Variants in LILRA2 observed in about 807,000 individuals in gnomAD.
LILRA2 encodes leukocyte immunoglobulin like receptor A2.
LILRA2 carries 45 observed loss-of-function variants against 47.9 expected under a neutral mutation model. The ratio of observed to expected loss-of-function variants is 0.94; its 90% CI spans 0.74 to 1.20. The LOEUF is 1.20. Ranked by LOEUF, LILRA2 falls within the 50% of genes most tolerant of loss-of-function variation. The pLI, the probability that LILRA2 is intolerant of heterozygous loss-of-function variation, is 0.00. For missense variants in LILRA2, 651 were observed against 598.2 expected (o/e 1.09, Z -0.92); for synonymous variants, 279 against 249.2 (o/e 1.12, Z -1.13).
chr19:54,577,027 C>G (rs1245052956), intron 6 of LILRA2, among the ~76,000 whole-genome samples: 1 of 152,270 alleles, frequency 6.6e-6, no homozygotes, highest in Non-Finnish European at 1.5e-5. Flanking sequence ...TGGCCCTCTC[C>G]TAATTCTCCC....
chr19:54,575,886 T>A lies in LILRA2; in HGVS notation c.1032T>A (p.Cys344Ter), dbSNP rs1036428476. 1 of 1,613,610 alleles carries A rather than the reference T, an allele frequency of 6.2e-7. No homozygotes were observed. The highest frequency in any genetic ancestry group is 1.3e-5 in the African/African-American group (1 of 74,858). ...VAPGKNVTLL[C>*]QSRGQFHTFL... ...CAGGAAAGAACGTGACCCTGCTGTG[T>A]CAGTCACGGGGGCAGTTCCACACTT... The change falls in exon 6 of 8, where the codon TGT becomes TGA. Residue 344 changes from cysteine (C) to a stop codon, truncating the protein, a stop_gained. Transcript: ENST00000391738. LOFTEE classifies it high-confidence loss of function.
In LILRA2 at chr19:54,575,252, C is replaced by G. The variant is rs779608134; in HGVS notation, c.656-4C>G. 4 of 1,606,024 alleles carry G rather than the reference C, an allele frequency of 2.5e-6. No homozygotes were observed. In the Admixed American group the frequency reaches 6.7e-5, roughly 27 times the overall value. ...TCCTGGAAACCATGAACACCTTTTC[C>G]CAGGTGTTTCTAAGAAGCCATCACT... On this transcript the variant is annotated splice_polypyrimidine_tract_variant and splice_region_variant and intron_variant, in intron 4 of 7. Transcript: ENST00000391738.
chr19:54,581,580 G>C (rs1171281907), intron 6 of LILRA2, among the ~76,000 whole-genome samples: 1 of 150,422 alleles, frequency 6.6e-6, no homozygotes, highest in Non-Finnish European at 1.5e-5. Context: ...TTTGGTACCA[G>C]TACCATGCTG....
chr19:54,576,647 A>G (rs1312217654), intron 6 of LILRA2, among the ~76,000 whole-genome samples: 1 of 152,236 alleles, frequency 6.6e-6, no homozygotes, highest in Non-Finnish European at 1.5e-5. Flanking sequence ...TGGTGTTCAG[A>G]GGGGAGGGAG....
rs1214709114 is a variant in LILRA2, at chr19:54,587,391, G to A, written c.*45G>A. 6.2e-7 allele frequency: 1 copy of A among 1,612,834 alleles called. No homozygotes were observed. Among genetic ancestry groups the A allele is most frequent in the Non-Finnish European group, 8.5e-7 (1 of 1,179,250 alleles). ...ATCCTTCAGCGTGGTGGAGCCTCAG[G>A]GACAGATCTGATGATCCCAGGAGGC... On this transcript the variant is annotated 3_prime_UTR_variant, in exon 8 of 8. Transcript: ENST00000391738.
Position 54,575,558 on chromosome 19 carries a change from G to C in LILRA2, c.952+6G>C. On this transcript the variant is annotated splice_donor_region_variant and intron_variant, in intron 5 of 7. Coordinates refer to ENST00000391738, the MANE Select transcript of LILRA2 (RefSeq NM_001130917.3). ...CCTGGACATCCTGATCACAGGTGAGGAGCCCAGCGGGTTCAGTCAGGGACC... is the reference window on the plus strand; with the variant it reads ...CCTGGACATCCTGATCACAGGTGAGCAGCCCAGCGGGTTCAGTCAGGGACC... The C allele has an allele frequency of 6.2e-7, 1 of 1,611,690 alleles. No individual in the cohort carries two copies. Among genetic ancestry groups the C allele is most frequent in the Non-Finnish European group, 8.5e-7 (1 of 1,179,668 alleles).
rs2062235311 is a variant in LILRA2 at position 54,573,866 on chromosome 19, G to A, written c.-13G>A. On this transcript the variant is annotated 5_prime_UTR_variant, in exon 1 of 8. Transcript: ENST00000391738. ...TCATCCATCCGCAGAGCAGGGCAGT[G>A]GGAGGAGACGCCATGACCCCCATCC... The A allele has an allele frequency of 6.2e-7, 1 of 1,614,048 alleles. No individual in the cohort carries two copies. Among genetic ancestry groups the A allele is most frequent in the East Asian group, 2.2e-5 (1 of 44,882 alleles).
chr19:54,587,648 C>T lies in LILRA2; in HGVS notation c.*302C>T, dbSNP rs73939010. The T allele has an allele frequency of 2.8e-3, 1,317 of 477,684 alleles. 19 individuals carry two copies. The highest frequency in any genetic ancestry group is 0.023 in the African/African-American group (1,197 of 51,734). 29.6% of individuals were successfully genotyped at this position (477,684 alleles called of 1,614,324 possible). On this transcript the variant is annotated 3_prime_UTR_variant, in exon 8 of 8. Transcript: ENST00000391738. ...CATGGCACCGTTGGGTCCACACCTC[C>T]ACACACCTGTGTGCTCTGGTCCACG...
intron 6 of LILRA2, among the ~76,000 whole-genome samples, chr19:54,578,120 TA>T (rs2062530721): frequency 2.1e-4 from 29 of 140,552 alleles, no homozygotes; most frequent in East Asian, 9.7e-4. Flanking sequence ...TTGATTTCTT[TA>T]TATATATATA....
Position 54,588,214 on chromosome 19 carries a change from A to G in LILRA2, c.*868A>G, listed in dbSNP as rs2062865341. The G allele has an allele frequency of 3.9e-5, 6 of 152,212 alleles. No individual in the cohort carries two copies. Among genetic ancestry groups the G allele is most frequent in the Admixed American group, 3.9e-4 (6 of 15,282 alleles). The allele number at this position is 152,212 out of a possible 1,614,324, so 9.4% of individuals were successfully genotyped here. On this transcript the variant is annotated 3_prime_UTR_variant, in exon 8 of 8. Transcript: ENST00000391738. Reference sequence around the variant, plus strand: ...ATCACTTCTACTTCAGTGTTATGGCACAGGTCAAATGAAATTCTGACACTG... The same window carrying G: ...ATCACTTCTACTTCAGTGTTATGGCGCAGGTCAAATGAAATTCTGACACTG...
intron 6 of LILRA2, 37 bp from the exon 7 acceptor site, chr19:54,586,973 T>TC: frequency 2.6e-6 from 4 of 1,550,642 alleles, no homozygotes; most frequent in Non-Finnish European, 2.7e-6. Context: ...GGAGTGAGGC[T>TC]GGGCTCAGGG....
intron 6 of LILRA2, among the ~76,000 whole-genome samples, chr19:54,576,577 G>T (rs2145977481): frequency 6.8e-6 from 1 of 148,118 alleles, no homozygotes; most frequent in East Asian, 1.9e-4. Context: ...AGGGTGGACA[G>T]TAAGGGTGTG....
intron 6 of LILRA2, among the ~76,000 whole-genome samples, chr19:54,579,896 C>T (rs576087363): frequency 2.0e-5 from 3 of 152,200 alleles, no homozygotes; most frequent in African/African-American, 7.2e-5. Context: ...TCACTCATGA[C>T]TTGGCTCTCT....
chr19:54,574,487 C>A lies in LILRA2; in HGVS notation c.257C>A (p.Ser86Tyr). The A allele has an allele frequency of 8.1e-6, 13 of 1,614,152 alleles. No homozygotes were observed. Among genetic ancestry groups the A allele is most frequent in the Non-Finnish European group, 1.1e-5 (13 of 1,179,988 alleles). Residue 86 changes from serine (S) to tyrosine (Y), a missense_variant, in exon 3 of 8, where the codon TCC (serine) becomes TAC (tyrosine). Transcript: ENST00000391738. ...AAGAATGGCCAGTTCCCCATCCCAT[C>A]CATCACCTGGGAACACGCAGGGCGG... is the stretch of plus-strand genomic sequence containing the variant. ...PGKNGQFPIP[S>Y]ITWEHAGRYH...
chr19:54,573,554 A>C (rs1308723868), upstream of LILRA2: 1 of 775,200 alleles, frequency 1.3e-6, no homozygotes, highest in Non-Finnish European at 2.2e-6. Flanking sequence ...GGGCAGACGC[A>C]GGAGGGCACC....
chr19:54,576,048 A>T lies in LILRA2; in HGVS notation c.1194A>T (p.Ser398=). ...AHVGTYRCYS[S]LSSNPYLLSL... is the part of the protein sequence containing the mutation. ...TGGGGACCTACAGATGCTACAGCTCACTCAGCTCCAACCCCTACCTGCTGT... is the reference window on the plus strand; with the variant it reads ...TGGGGACCTACAGATGCTACAGCTCTCTCAGCTCCAACCCCTACCTGCTGT... Residue 398 remains serine (S), a synonymous_variant, in exon 6 of 8, where the codon TCA becomes TCT. Coordinates refer to ENST00000391738, the MANE Select transcript of LILRA2 (RefSeq NM_001130917.3). The T allele has an allele frequency of 6.2e-7, 1 of 1,613,648 alleles. No individual in the cohort carries two copies. The highest frequency in any genetic ancestry group is 2.2e-5 in the East Asian group (1 of 44,800).
chr19:54,577,626 G>T (rs1023333054), intron 6 of LILRA2: 21 of 1,289,420 alleles, frequency 1.6e-5, no homozygotes, highest in Non-Finnish European at 2.0e-5. Context: ...TGTGGGTGCC[G>T]CTCACACTGC....
chr19:54,578,513 T>C (rs2062546485), intron 6 of LILRA2, among the ~76,000 whole-genome samples: 1 of 152,202 alleles, frequency 6.6e-6, no homozygotes, highest in African/African-American at 2.4e-5. Flanking sequence ...ATTTTCTTAA[T>C]GCAGTCCACT....
chr19:54,589,528 A>C lies in LILRA2; in HGVS notation c.*2182A>C, dbSNP rs1175029522. 1 of 152,182 alleles carries C rather than the reference A, an allele frequency of 6.6e-6. No homozygotes were observed. The highest frequency in any genetic ancestry group is 1.5e-5 in the Non-Finnish European group (1 of 68,026). 9.4% of individuals were successfully genotyped at this position (152,182 alleles called of 1,614,324 possible). On this transcript the variant is annotated 3_prime_UTR_variant, in exon 8 of 8. Coordinates refer to ENST00000391738, the MANE Select transcript of LILRA2 (RefSeq NM_001130917.3). ...AAAAAAAGAGAAATACATTTAACCA[A>C]AGAGATGCAATACGTATACATTGAC...
Sources: gnomAD v4.1 joint callset for allele counts (sites outside exome capture counted in the v4.1 genomes callset) on GRCh38, gnomAD v4.1.1 for gene constraint, MANE v1.5 for transcripts, NCBI Gene and HGNC (gene_info 2026-07-23, HGNC 2026-07-21) for gene names.